The following HMCN2 variants were observed in gnomAD, a reference collection of about 807,000 sequenced individuals.
The protein encoded by HMCN2 is hemicentin-2.
A neutral mutation model predicts 377.5 loss-of-function variants in HMCN2; 325 were observed. That is an observed-to-expected ratio of 0.86 (90% CI 0.79 to 0.94). The LOEUF is 0.94. HMCN2 is among the 40% of genes least tolerant of loss of function. The pLI is 0.00. For synonymous variants in HMCN2, 2,007 were observed against 2,046.8 expected (o/e 0.98, Z 0.53); for missense variants, 4,543 against 4,725.3 (o/e 0.96, Z 1.13).
intron 52 of HMCN2, among the ~76,000 whole-genome samples, chr9:130,377,034 G>A (rs935873750): frequency 2.0e-5 from 3 of 151,988 alleles, no homozygotes; most frequent in African/African-American, 7.3e-5. Flanking sequence ...CCTGACCTCA[G>A]GTCATCTGCC....
In HMCN2 at chr9:130,362,963, C is replaced by A. The variant is rs1157491599; in HGVS notation, c.6205C>A (p.Arg2069Ser). The change falls in exon 40 of 98, where the codon CGC becomes AGC. Residue 2069 changes from arginine to serine, a missense_variant. Physicochemically the swap from Arg to Ser is moderately radical, Grantham distance 110. Coordinates refer to ENST00000683500, the MANE Select transcript of HMCN2 (RefSeq NM_001291815.2). The part of the protein sequence containing the change: ...CVAVSAVGED[R>S]QDVVLQVHMP... The stretch of plus-strand genomic sequence containing the variant: ...GGCTGTGAGCGCGGTGGGCGAGGAC[C>A]GCCAGGATGTTGTCCTGCAAGTCCA... The A allele has an allele frequency of 1.0e-6, 1 of 985,716 alleles. No homozygotes were observed. The highest frequency in any genetic ancestry group is 1.1e-4 in the East Asian group (1 of 8,828). The allele number at this position is 985,716 out of a possible 1,614,324, so 61.1% of individuals were successfully genotyped here.
chr9:130,295,114 A>T, intron 5 of HMCN2, 88 bp downstream of exon 5: 1 of 322,272 alleles, frequency 3.1e-6, no homozygotes, highest in Non-Finnish European at 6.5e-6. Context: ...ACCAAGGGTG[A>T]CAGGGCTTCA....
At chr9:130,297,031 G>C (rs1308272197) in intron 7 of HMCN2, among the ~76,000 whole-genome samples, 1 of 152,198 alleles carries the variant, frequency 6.6e-6, no homozygotes, top group Non-Finnish European at 1.5e-5. Context: ...TTTACCTTTA[G>C]AACATCCTCC....
Position 130,431,326 on chromosome 9 carries a change from GC to G in HMCN2, c.14648-36del, listed in dbSNP as rs1038074569. 22 of 1,536,282 alleles carry G rather than the reference GC, an allele frequency of 1.4e-5. No homozygotes were observed. The African/African-American group carries it at 2.1e-4, about 14-fold the overall frequency. ...TGTCTGTGGCTCAGTGCGTCTCTCT[GC>G]CCCCATCCCCCACCTGCCCCACCCC... On this transcript the variant is annotated intron_variant, in intron 95 of 97. Transcript: ENST00000683500.
intron 5 of HMCN2, among the ~76,000 whole-genome samples, chr9:130,295,385 G>C (rs1836070487): frequency 6.6e-6 from 1 of 152,130 alleles, no homozygotes; most frequent in Non-Finnish European, 1.5e-5. Flanking sequence ...AAGGTCAACA[G>C]AGTCAGGGGA....
intron 45 of HMCN2, among the ~76,000 whole-genome samples, chr9:130,370,556 G>A (rs1449735235): frequency 6.6e-6 from 1 of 152,256 alleles, no homozygotes; most frequent in Non-Finnish European, 1.5e-5. Flanking sequence ...TCAGGAACAG[G>A]TTCCTTCAGA....
chr9:130,371,075 G>C lies in HMCN2; in HGVS notation c.7181G>C (p.Arg2394Pro). The change falls in exon 46 of 98, where the codon CGC (arginine) becomes CCC (proline). Residue 2394 changes from arginine (R) to proline (P), a missense_variant. Transcript: ENST00000683500. ...ATGGGGATCCCACCTCCAGCCATCC[G>C]CTGGTTCCGAGGGGAGGAGCCTGTC... ...EAMGIPPPAI[R>P]WFRGEEPVSP... The C allele has an allele frequency of 1.0e-6, 1 of 985,938 alleles. No individual in the cohort carries two copies. The highest frequency in any genetic ancestry group is 1.2e-6 in the Non-Finnish European group (1 of 830,010). The allele number at this position is 985,938 out of a possible 1,614,324, so 61.1% of individuals were successfully genotyped here. A position where few individuals can be genotyped will look rare whatever the true frequency, so the allele number is the denominator to read the frequency against.
At chr9:130,273,845 T>G (rs1170876892) in intron 1 of HMCN2, among the ~76,000 whole-genome samples, 2 of 152,210 alleles carry the variant, frequency 1.3e-5, no homozygotes, top group African/African-American at 4.8e-5. Context: ...TGATATTGAT[T>G]CTTGGTTTGA....
chr9:130,370,599 G>C (rs1339016166), intron 45 of HMCN2, among the ~76,000 whole-genome samples: 1 of 152,234 alleles, frequency 6.6e-6, no homozygotes, highest in African/African-American at 2.4e-5. Flanking sequence ...TCCACACGTG[G>C]ATTTGGGAAG....
intron 29 of HMCN2, 148 bp downstream of exon 29, chr9:130,349,811 G>A (rs1305882769): frequency 1.1e-5 from 7 of 639,182 alleles, no homozygotes; most frequent in Admixed American, 4.4e-5. Flanking sequence ...CTGTAGGGGC[G>A]CCTCCCACCC....
Position 130,394,755 on chromosome 9 carries a change from G to A in HMCN2, c.10692+180G>A, listed in dbSNP as rs1460667045. ...CCCTTGGGAGCTGCCAGCAGGGTCA[G>A]GGCCCAGGCTGATGCCAAAACCAGG... On this transcript the variant is annotated intron_variant, in intron 69 of 97. Transcript: ENST00000683500. The surrounding 1 kb of genome is among the most constrained non-coding windows in gnomAD (Gnocchi z 5.1). Among the ~76,000 whole-genome samples, 1 of 152,246 alleles carries A rather than the reference G, an allele frequency of 6.6e-6. No individual in the cohort carries two copies. The highest frequency in any genetic ancestry group is 1.5e-5 in the Non-Finnish European group (1 of 68,038).
At chr9:130,372,739 C>G (rs937346263) in intron 47 of HMCN2, among the ~76,000 whole-genome samples, 1 of 152,180 alleles carries the variant, frequency 6.6e-6, no homozygotes, top group African/African-American at 2.4e-5. Context: ...GTTCTCAGGC[C>G]ACCATGGAAC....
intron 15 of HMCN2, among the ~76,000 whole-genome samples, chr9:130,314,336 G>C (rs982801749): frequency 1.4e-4 from 21 of 152,210 alleles, no homozygotes; most frequent in Non-Finnish European, 3.1e-4. Flanking sequence ...ACTTGTAGGG[G>C]TCCAGGATGC....
intron 4 of HMCN2, among the ~76,000 whole-genome samples, chr9:130,292,561 A>G (rs527891520): frequency 1.3e-5 from 2 of 152,312 alleles, no homozygotes; most frequent in East Asian, 3.9e-4. Flanking sequence ...GAGTCACTTC[A>G]GTTGTGGCAA....
At position 130,403,875 on chromosome 9, in the gene HMCN2, G is replaced by T. The variant is rs1490015526; in HGVS notation, c.12148G>T (p.Val4050Phe). Residue 4050 changes from valine to phenylalanine, a missense_variant and splice_region_variant, in exon 80 of 98, where the codon GTC (valine) becomes TTC (phenylalanine). Transcript: ENST00000683500. The stretch of plus-strand genomic sequence containing the variant: ...GGGGAAGACGCGGCTGGTGGTGCAA[G>T]GTGGGAGTGAGGACGGGGCCGAGGT... ...AMGKTRLVVQ[V>F]PPVIENGLPD... is the part of the protein sequence containing the mutation. The T allele has an allele frequency of 3.1e-6, 4 of 1,288,920 alleles. No homozygotes were observed. The highest frequency in any genetic ancestry group is 2.0e-6 in the Non-Finnish European group (2 of 988,288). The allele number at this position is 1,288,920 out of a possible 1,614,324, so 79.8% of individuals were successfully genotyped here. A position where few individuals can be genotyped will look rare whatever the true frequency, so the allele number is the denominator to read the frequency against.
rs949250855 is a variant in HMCN2 at position 130,428,648 on chromosome 9, G to A, written c.14197+159G>A. ...CAGCAAGGCTGGGGACAAAGCCTGC[G>A]CCAGGCTCTGGAGGTCTGAGCCCTC... On this transcript the variant is annotated intron_variant, in intron 93 of 97. Transcript: ENST00000683500. This position sits in a 1 kb window ranked among gnomAD's most constrained non-coding sequence, Gnocchi z 5.0. Among the ~76,000 whole-genome samples, 18 of 152,184 alleles carry A rather than the reference G, an allele frequency of 1.2e-4. No individual in the cohort carries two copies. Among genetic ancestry groups the A allele is most frequent in the Admixed American group, 2.6e-4 (4 of 15,280 alleles).
rs55951648 is a variant in HMCN2, at chr9:130,370,341, C to A, written c.7069+490C>A. Among the ~76,000 whole-genome samples, 383 of 152,248 alleles carry A rather than the reference C, an allele frequency of 2.5e-3. 1 individual carries two copies. Among genetic ancestry groups the A allele is most frequent in the Admixed American group, 6.6e-3 (101 of 15,296 alleles). On this transcript the variant is annotated intron_variant, in intron 45 of 97. Coordinates refer to ENST00000683500, the MANE Select transcript of HMCN2 (RefSeq NM_001291815.2). ...CGTGCCAGGCAGAGGGTGGCTGGGG[C>A]AGCCTCATGCATTCCATCATTTACT...
At chr9:130,332,404 C>T (rs1838473798) in intron 22 of HMCN2, among the ~76,000 whole-genome samples, 1 of 152,214 alleles carries the variant, frequency 6.6e-6, no homozygotes, top group African/African-American at 2.4e-5. Flanking sequence ...GTCTTCTCCT[C>T]TGCAAAAGGG....
At chr9:130,272,819 A>G (rs1834472933) in intron 1 of HMCN2, among the ~76,000 whole-genome samples, 1 of 152,198 alleles carries the variant, frequency 6.6e-6, no homozygotes, top group African/African-American at 2.4e-5. Flanking sequence ...TGGCCTCCCA[A>G]AGTGCTGGGA....
Sources: allele counts gnomAD v4.1 joint callset (sites outside exome capture counted in the v4.1 genomes callset), GRCh38; gene constraint gnomAD v4.1.1; non-coding constraint Gnocchi (gnomAD v3.1); transcripts MANE v1.5; gene names NCBI Gene and HGNC (gene_info 2026-07-23, HGNC 2026-07-21).